NCKAP5: variants seen among roughly 807,000 people sequenced by gnomAD.
NCKAP5 encodes the protein NCK associated protein 5.
Under a neutral mutation model 167.0 loss-of-function variants are expected in NCKAP5, and 92 were observed. The ratio of observed to expected loss-of-function variants is 0.55; its 90% CI spans 0.47 to 0.66. NCKAP5 has a LOEUF of 0.66. NCKAP5 is among the 30% of genes least tolerant of loss of function. The probability of loss-of-function intolerance (pLI) is 0.00; values close to 1 mark genes in which losing one functional copy is unlikely to be tolerated. For synonymous variants in NCKAP5, 891 were observed against 877.4 expected (o/e 1.02, Z -0.27); for missense variants, 2,378 against 2,315.0 (o/e 1.03, Z -0.56).
chr2:133,196,897 A>C lies in NCKAP5; in HGVS notation c.207+16819T>G, dbSNP rs556399758. 6.6e-5 allele frequency among the ~76,000 whole-genome samples: 10 copies of C among 152,230 alleles called. 1 individual carries two copies. The South Asian group carries it at 1.9e-3, about 28-fold the overall frequency. On this transcript the variant is annotated intron_variant, in intron 5 of 19. Transcript: ENST00000409261. Reference sequence around the variant, plus strand: ...CTGATGGTGGCAGCAGAAGGATGGCACTCAGATGGCAAGGTCATCACCTAA... The same window carrying C: ...CTGATGGTGGCAGCAGAAGGATGGCCCTCAGATGGCAAGGTCATCACCTAA...
chr2:133,210,744 T>C (rs2086175934), intron 5 of NCKAP5, among the ~76,000 whole-genome samples: 1 of 151,916 alleles, frequency 6.6e-6, no homozygotes, highest in African/African-American at 2.4e-5. Flanking sequence ...CAGGGAGAAA[T>C]AGTTACTGAG....
the NCKAP5 span, among the ~76,000 whole-genome samples, chr2:133,594,053 A>G: frequency 6.6e-6 from 1 of 152,170 alleles, no homozygotes; most frequent in Non-Finnish European, 1.5e-5. Context: ...CTACAACTCC[A>G]ATTAGTAACA....
At chr2:133,488,791 C>T (rs1480151973) in intron 3 of NCKAP5, among the ~76,000 whole-genome samples, 1 of 152,162 alleles carries the variant, frequency 6.6e-6, no homozygotes, top group Non-Finnish European at 1.5e-5. Context: ...TGGCACGCAC[C>T]TATAGTCTCA....
chr2:133,128,497 C>T (rs1312014964), intron 6 of NCKAP5, among the ~76,000 whole-genome samples: 2 of 152,168 alleles, frequency 1.3e-5, no homozygotes, highest in Non-Finnish European at 2.9e-5. Context: ...TAATTGGAAA[C>T]TGAAAGATTC....
intron 3 of NCKAP5, among the ~76,000 whole-genome samples, chr2:133,353,818 T>C (rs182890690): frequency 6.6e-6 from 1 of 152,234 alleles, no homozygotes; most frequent in African/African-American, 2.4e-5. Flanking sequence ...ATCTTCCGAC[T>C]CCATCCCCAC....
intron 4 of NCKAP5, among the ~76,000 whole-genome samples, chr2:133,285,682 G>T (rs1389322162): frequency 6.6e-6 from 1 of 152,108 alleles, no homozygotes; most frequent in Admixed American, 6.5e-5. Context: ...AGAGCAACTC[G>T]AAGAATCTTA....
At chr2:132,848,350 GT>G (rs1181862783) in intron 11 of NCKAP5, among the ~76,000 whole-genome samples, 1 of 152,136 alleles carries the variant, frequency 6.6e-6, no homozygotes, top group Non-Finnish European at 1.5e-5. Context: ...AGCTTTTCTT[GT>G]TTTTATGGCA....
chr2:132,713,689 C>A (rs757853432), intron 19 of NCKAP5, among the ~76,000 whole-genome samples: 1 of 146,680 alleles, frequency 6.8e-6, no homozygotes, highest in Admixed American at 7.0e-5. Context: ...TGACATATTA[C>A]ATCATAAGAC....
intron 2 of NCKAP5, among the ~76,000 whole-genome samples, chr2:133,535,579 A>T (rs1368626226): frequency 6.6e-6 from 1 of 151,844 alleles, no homozygotes; most frequent in Non-Finnish European, 1.5e-5. Context: ...ACTTAGGTTG[A>T]TTCCATATCT....
chr2:133,298,968 T>C (rs1415619967), intron 4 of NCKAP5, among the ~76,000 whole-genome samples: 2 of 152,046 alleles, frequency 1.3e-5, no homozygotes, highest in Non-Finnish European at 2.9e-5. Context: ...GACGCATGTA[T>C]ACATATGTAG....
intron 5 of NCKAP5, among the ~76,000 whole-genome samples, chr2:133,132,743 C>T (rs2082654327): frequency 6.7e-6 from 1 of 149,676 alleles, no homozygotes; most frequent in African/African-American, 2.5e-5. Flanking sequence ...GTGGCGCGAT[C>T]TCAGCTCACT....
chr2:133,645,737 G>A, the NCKAP5 span, among the ~76,000 whole-genome samples: 1 of 152,042 alleles, frequency 6.6e-6, no homozygotes, highest in Admixed American at 6.6e-5. Context: ...ACTGTTGGTT[G>A]CTTTTAATAT....
the NCKAP5 span, among the ~76,000 whole-genome samples, chr2:133,669,579 AT>A: frequency 6.6e-6 from 1 of 152,114 alleles, no homozygotes; most frequent in Admixed American, 6.6e-5. Context: ...TTCTCAACTT[AT>A]TTTTTATTAT....
intron 3 of NCKAP5, among the ~76,000 whole-genome samples, chr2:133,468,660 T>A (rs572457746): frequency 1.3e-5 from 2 of 152,332 alleles, no homozygotes; most frequent in African/African-American, 4.8e-5. Flanking sequence ...TCTTTGTAGG[T>A]CACTCAGGAG....
At chr2:132,773,527 A>C (rs1431679718) in intron 16 of NCKAP5, among the ~76,000 whole-genome samples, 1 of 152,230 alleles carries the variant, frequency 6.6e-6, no homozygotes, top group Non-Finnish European at 1.5e-5. Context: ...TCTTGAGATA[A>C]TTATAGAAAC....
At chr2:133,399,321 G>A (rs187081518) in intron 3 of NCKAP5, among the ~76,000 whole-genome samples, 1 of 152,110 alleles carries the variant, frequency 6.6e-6, no homozygotes, top group Admixed American at 6.5e-5. Context: ...GGAGGACTAT[G>A]GCAGGTAGAG....
intron 5 of NCKAP5, among the ~76,000 whole-genome samples, chr2:133,165,683 T>G (rs541811815): frequency 6.6e-6 from 1 of 152,248 alleles, no homozygotes; most frequent in East Asian, 1.9e-4. Context: ...ACACAGATGC[T>G]TCTCCTGTGT....
intron 2 of NCKAP5, among the ~76,000 whole-genome samples, chr2:133,547,588 T>C (rs954135779): frequency 2.0e-5 from 3 of 151,464 alleles, no homozygotes; most frequent in African/African-American, 7.3e-5. Context: ...CCGAGCAGCC[T>C]AACTGGGAGG....
intron 6 of NCKAP5, among the ~76,000 whole-genome samples, chr2:133,017,146 C>A (rs181816593): frequency 8.5e-4 from 130 of 152,270 alleles, no homozygotes; most frequent in Non-Finnish European, 1.6e-3. Flanking sequence ...AAAGACAATA[C>A]CTCTGTGTCT....
Sources: allele counts gnomAD v4.1 joint callset (sites outside exome capture counted in the v4.1 genomes callset), GRCh38; gene constraint gnomAD v4.1.1; transcripts MANE v1.5; gene names NCBI Gene and HGNC (gene_info 2026-07-23, HGNC 2026-07-21).